Variants in LRP6 observed in about 807,000 individuals in gnomAD.
LRP6 encodes low-density lipoprotein receptor-related protein 6.
LRP6 carries 43 observed loss-of-function variants against 184.1 expected under a neutral mutation model. The ratio of observed to expected loss-of-function variants is 0.23; its 90% CI spans 0.18 to 0.30. The LOEUF is 0.30. Ranked by LOEUF, LRP6 falls within the 10% of genes least tolerant of loss-of-function variation. LRP6 has a pLI of 1.00. For missense variants in LRP6, 1,571 were observed against 2,005.3 expected, an observed-to-expected ratio of 0.78 and a Z score of 4.14; for synonymous variants, 719 against 684.9, an observed-to-expected ratio of 1.05 and a Z score of -0.78.
At chr12:12,171,275 G>C (rs1863031647) in intron 7 of LRP6, among the ~76,000 whole-genome samples, 1 of 152,166 alleles carries the variant, frequency 6.6e-6, no homozygotes, top group African/African-American at 2.4e-5. Flanking sequence ...CCAGCACTTT[G>C]GGAGGCCAAG....
chr12:12,170,387 A>T (rs1862999824), intron 7 of LRP6, among the ~76,000 whole-genome samples: 1 of 152,108 alleles, frequency 6.6e-6, no homozygotes, highest in African/African-American at 2.4e-5. Context: ...TTAATCTAAC[A>T]CATCCAAAAT....
At chr12:12,258,461 A>C (rs764281039) in intron 1 of LRP6, among the ~76,000 whole-genome samples, 43 of 152,350 alleles carry the variant, frequency 2.8e-4, no homozygotes, top group Middle Eastern at 3.4e-3. Context: ...TGAACGATTG[A>C]GTCAAAACAC....
intron 22 of LRP6, among the ~76,000 whole-genome samples, chr12:12,121,962 T>C (rs1441165485): frequency 6.6e-6 from 1 of 152,206 alleles, no homozygotes; most frequent in South Asian, 2.1e-4. Context: ...GGCATAACTA[T>C]TCCATTGTTG....
intron 2 of LRP6, 137 bp downstream of exon 2, chr12:12,244,125 A>G: frequency 1.2e-5 from 10 of 838,042 alleles, no homozygotes; most frequent in Non-Finnish European, 1.6e-5. Context: ...ATTCAAGTCT[A>G]CTCAACAAAG....
Position 12,121,063 on chromosome 12 carries a change from A to T in LRP6, c.*63T>A, listed in dbSNP as rs982357102. The T allele has an allele frequency of 4.1e-6, 6 of 1,459,668 alleles. No homozygotes were observed. The highest frequency in any genetic ancestry group is 2.3e-5 in the Admixed American group (1 of 42,876). 90.4% of individuals were successfully genotyped at this position (1,459,668 alleles called of 1,614,324 possible). A position where few individuals can be genotyped will look rare whatever the true frequency, so the allele number is the denominator to read the frequency against. ...CTAATAGCTCCCTCCCCCCCTCCAG[A>T]TCTCAACCAAATTTATATTTACATT... is the stretch of plus-strand genomic sequence containing the variant. On this transcript the variant is annotated 3_prime_UTR_variant, in exon 23 of 23. Coordinates refer to ENST00000261349, the MANE Select transcript of LRP6 (RefSeq NM_002336.3).
At chr12:12,162,854 A>G (rs1235474093) in intron 9 of LRP6, among the ~76,000 whole-genome samples, 1 of 152,238 alleles carries the variant, frequency 6.6e-6, no homozygotes, top group Non-Finnish European at 1.5e-5. Flanking sequence ...ACTGAGTCCC[A>G]TAACACTTTT....
chr12:12,158,510 A>C (rs531936639), intron 12 of LRP6, among the ~76,000 whole-genome samples: 2 of 152,120 alleles, frequency 1.3e-5, no homozygotes, highest in East Asian at 3.9e-4. Flanking sequence ...TTTTTTGTAG[A>C]GGCAAGGTCT....
rs772203774 is a variant in LRP6, at chr12:12,164,536, C to T, written c.1789G>A (p.Gly597Arg). 19 of 1,613,966 alleles carry T rather than the reference C, an allele frequency of 1.2e-5. No individual in the cohort carries two copies. The Admixed American group carries it at 1.7e-4, about 14-fold the overall frequency. ...IGSNPCAEEN[G>R]GCSHLCLYRP... ...TAGAGGCAGAGATGGCTACATCCCC[C>T]GTTTTCCTCAGCACAGGGGTTGGAA... The change falls in exon 9 of 23, where the codon GGG becomes AGG. Residue 597 changes from glycine to arginine, a missense_variant. This residue lies in a region of LRP6 where 640 missense variants were observed against 851.9 expected (regional missense o/e 0.75). Transcript: ENST00000261349.
chr12:12,140,494 C>T (rs1766165194), intron 15 of LRP6, among the ~76,000 whole-genome samples: 1 of 151,792 alleles, frequency 6.6e-6, no homozygotes, highest in Non-Finnish European at 1.5e-5. Context: ...CACAAGAAAA[C>T]ATTCCAGAAT....
chr12:12,155,545 C>T (rs142482162), intron 12 of LRP6: 86 of 745,194 alleles, frequency 1.2e-4, no homozygotes, highest in Admixed American at 3.1e-4. Flanking sequence ...ATATTCAGCA[C>T]GTTAAGCACG....
chr12:12,157,499 T>C (rs1365414241), intron 12 of LRP6, among the ~76,000 whole-genome samples: 1 of 152,044 alleles, frequency 6.6e-6, no homozygotes, highest in East Asian at 1.9e-4. Context: ...TGAGAAAAAA[T>C]AAAGGCTTAA....
At chr12:12,249,286 GT>G in intron 1 of LRP6, 1 of 1,097,022 alleles carries the variant, frequency 9.1e-7, no homozygotes, top group Non-Finnish European at 1.4e-6. Context: ...TAATGGATTG[GT>G]GGACCCAAGA....
intron 2 of LRP6, among the ~76,000 whole-genome samples, chr12:12,209,957 T>C (rs1864165723): frequency 6.6e-6 from 1 of 152,122 alleles, no homozygotes; most frequent in African/African-American, 2.4e-5. Context: ...CCAGAGAAAG[T>C]ATGTATTTTA....
rs542070315 is a variant in LRP6, at chr12:12,253,201, T to C, written c.56-8546A>G. ...ATCACTGGAACCCAGAAGGCAGAGGTTGTGGTGGGCCAAGATCGCGCCACT... is the reference window on the plus strand; with the variant it reads ...ATCACTGGAACCCAGAAGGCAGAGGCTGTGGTGGGCCAAGATCGCGCCACT... On this transcript the variant is annotated intron_variant, in intron 1 of 22. Transcript: ENST00000261349. 2.6e-5 allele frequency among the ~76,000 whole-genome samples: 4 copies of C among 152,192 alleles called. No individual in the cohort carries two copies. The South Asian group carries it at 8.3e-4, about 32-fold the overall frequency.
At chr12:12,124,497 T>C (rs1445633432) in intron 22 of LRP6, 68 bp downstream of exon 22, 4 of 1,095,952 alleles carry the variant, frequency 3.6e-6, no homozygotes, top group Non-Finnish European at 4.2e-6. Context: ...TTTGGGGCTA[T>C]ATCAGGTCCA....
intron 12 of LRP6, among the ~76,000 whole-genome samples, chr12:12,151,291 G>C (rs1782348165): frequency 6.6e-6 from 1 of 151,898 alleles, no homozygotes; most frequent in African/African-American, 2.4e-5. Context: ...TCTCCATCTT[G>C]TCCACAGAGA....
chr12:12,219,858 T>A (rs1565667831), intron 2 of LRP6, among the ~76,000 whole-genome samples: 1 of 152,084 alleles, frequency 6.6e-6, no homozygotes, highest in East Asian at 1.9e-4. Context: ...ACCCCGACTT[T>A]GAAAAACTGA....
chr12:12,138,534 C>G lies in LRP6; in HGVS notation c.3398G>C (p.Gly1133Ala), dbSNP rs770850881. 6.2e-7 allele frequency: 1 copy of G among 1,613,162 alleles called. No individual in the cohort carries two copies. Among genetic ancestry groups the G allele is most frequent in the Non-Finnish European group, 8.5e-7 (1 of 1,179,318 alleles). The part of the protein sequence containing the change: ...LRRIESSDLS[G>A]ANRIVLEDSN... Reference sequence around the variant, plus strand: ...GTCTTCTAATACTATCCGGTTAGCACCTTGGAAAAGGAGAAAATTCAACAG... The same window carrying G: ...GTCTTCTAATACTATCCGGTTAGCAGCTTGGAAAAGGAGAAAATTCAACAG... The change falls in exon 16 of 23, where the codon GGT (glycine) becomes GCT (alanine). Residue 1133 changes from glycine to alanine, a missense_variant and splice_region_variant. Coordinates refer to ENST00000261349, the MANE Select transcript of LRP6 (RefSeq NM_002336.3).
At chr12:12,188,209 CAAAAAAAAAAAAA>C (rs753891360) in intron 3 of LRP6, among the ~76,000 whole-genome samples, 1 of 65,378 alleles carries the variant, frequency 1.5e-5, no homozygotes, top group Non-Finnish European at 3.1e-5. Context: ...AGACTCATCT[CAAAAAAAAAAAAA>C]AGAAAAAAAA....
Sources: gnomAD v4.1 joint callset for allele counts (sites outside exome capture counted in the v4.1 genomes callset) on GRCh38, gnomAD v4.1.1 for gene constraint, gnomAD v4.1.1 regional missense constraint, MANE v1.5 for transcripts, NCBI Gene and HGNC (gene_info 2026-07-23, HGNC 2026-07-21) for gene names.